RNF122: variants seen among roughly 807,000 people sequenced by gnomAD.
RNF122 encodes the protein ring finger protein 122.
In RNF122, 17 loss-of-function variants were observed where a neutral mutation model predicts 24.2. The ratio of observed to expected loss-of-function variants is 0.70; its 90% confidence interval spans 0.48 to 1.06. The LOEUF (loss-of-function observed/expected upper bound fraction) is 1.06, where lower values mean the gene tolerates loss of function less well. RNF122 is among the 50% of genes least tolerant of loss of function. The pLI is 0.00. For missense variants in RNF122, 168 were observed against 198.1 expected (o/e 0.85, Z 0.91); for synonymous variants, 65 against 71.8 (o/e 0.91, Z 0.48).
chr8:33,550,161 G>T (rs1173961537), intron 4 of RNF122, among the ~76,000 whole-genome samples: 1 of 152,150 alleles, frequency 6.6e-6, no homozygotes, highest in African/African-American at 2.4e-5. Flanking sequence ...TCGAACTCCT[G>T]ACCTCAGGTG....
chr8:33,548,962 T>G, intron 5 of RNF122, 95 bp from the exon 6 acceptor site: 1 of 906,976 alleles, frequency 1.1e-6, no homozygotes, highest in African/African-American at 1.6e-5. Flanking sequence ...GGCTCACAAC[T>G]GTAATCCCAG....
chr8:33,560,080 G>A (rs1029981546), intron 1 of RNF122, among the ~76,000 whole-genome samples: 4 of 151,996 alleles, frequency 2.6e-5, no homozygotes, highest in Admixed American at 1.3e-4. Flanking sequence ...GACCTCAGGC[G>A]ATCCACCCAC....
intron 1 of RNF122, among the ~76,000 whole-genome samples, chr8:33,565,017 G>A (rs1043178884): frequency 2.0e-5 from 3 of 152,352 alleles, no homozygotes; most frequent in African/African-American, 7.2e-5. Flanking sequence ...GCCAACCTAT[G>A]AAAGCACTGA....
At chr8:33,551,318 C>A in intron 3 of RNF122, 26 bp downstream of exon 3, 1 of 1,613,828 alleles carries the variant, frequency 6.2e-7, no homozygotes, top group South Asian at 1.1e-5. Context: ...GAGAAGGAAG[C>A]TTCTGGGAAA....
At chr8:33,560,869 G>C (rs1810530831) in intron 1 of RNF122, among the ~76,000 whole-genome samples, 1 of 152,036 alleles carries the variant, frequency 6.6e-6, no homozygotes, top group East Asian at 1.9e-4. Context: ...GGTGGAGGTT[G>C]CAAGTGAGCT....
rs529500793 is a variant in RNF122 at position 33,555,701 on chromosome 8, A to G, written c.182+2914T>C. ...CAAGACCCTAGCTCATTGCTACCAGACTTGTCCACCTCTGTATCTTCCTCT... is the reference window on the plus strand; with the variant it reads ...CAAGACCCTAGCTCATTGCTACCAGGCTTGTCCACCTCTGTATCTTCCTCT... On this transcript the variant is annotated intron_variant, in intron 2 of 5. Transcript: ENST00000256257. Among the ~76,000 whole-genome samples, 10 of 152,320 alleles carry G rather than the reference A, an allele frequency of 6.6e-5. No homozygotes were observed. In the East Asian group the frequency reaches 1.9e-3, roughly 29 times the overall value.
intron 1 of RNF122, 100 bp downstream of exon 1, chr8:33,566,599 G>A: frequency 1.6e-6 from 2 of 1,258,844 alleles, no homozygotes; most frequent in Non-Finnish European, 2.3e-6. Flanking sequence ...GAGAAACTTG[G>A]TTCCCGAGGG....
intron 2 of RNF122, among the ~76,000 whole-genome samples, chr8:33,558,276 G>A (rs976018635): frequency 2.0e-5 from 3 of 151,572 alleles, no homozygotes; most frequent in African/African-American, 7.3e-5. Flanking sequence ...CAAAGGGCAT[G>A]AGTAGGAATA....
chr8:33,549,454 C>T lies in RNF122; in HGVS notation c.309G>A (p.Lys103=). Residue 103 remains lysine (K), a synonymous_variant, in exon 5 of 6, where the codon AAG becomes AAA. Coordinates refer to ENST00000256257, the MANE Select transcript of RNF122 (RefSeq NM_024787.3). ...GGCACGGGAGCACGCCTAACTCATCCTTCCCCTTGAAGTCTTCCAGACAGA... is the reference window on the plus strand; with the variant it reads ...GGCACGGGAGCACGCCTAACTCATCTTTCCCCTTGAAGTCTTCCAGACAGA... ...CAVCLEDFKG[K]DELGVLPCQH... is the part of the protein sequence containing the mutation. 6.2e-7 allele frequency: 1 copy of T among 1,614,186 alleles called. No homozygotes were observed. The highest frequency in any genetic ancestry group is 1.1e-5 in the South Asian group (1 of 91,084).
chr8:33,560,702 C>T (rs1023959446), intron 1 of RNF122, among the ~76,000 whole-genome samples: 2 of 151,350 alleles, frequency 1.3e-5, no homozygotes, highest in Non-Finnish European at 3.0e-5. Context: ...TTTGGGAGCC[C>T]GAGACGGCTG....
At chr8:33,554,483 G>C (rs889198767) in intron 2 of RNF122, among the ~76,000 whole-genome samples, 1 of 152,158 alleles carries the variant, frequency 6.6e-6, no homozygotes, top group African/African-American at 2.4e-5. Context: ...CTCAGAACAG[G>C]GAGGGGCATC....
chr8:33,553,494 A>G (rs1237885864), intron 2 of RNF122, among the ~76,000 whole-genome samples: 1 of 152,034 alleles, frequency 6.6e-6, no homozygotes, highest in Non-Finnish European at 1.5e-5. Flanking sequence ...CCTTGAGCCC[A>G]AGAGTTCAGA....
In RNF122 at chr8:33,562,136, T is replaced by C. The variant is rs543480755; in HGVS notation, c.26-3365A>G. 3.9e-4 allele frequency among the ~76,000 whole-genome samples: 59 copies of C among 152,124 alleles called. 1 individual carries two copies. Among genetic ancestry groups the C allele is most frequent in the Non-Finnish European group, 5.6e-4 (38 of 68,022 alleles). ...CTACAGCACTCATGACCTCCATCAT[T>C]TGTTCGGCCCCTACTTACTCAGTTA... On this transcript the variant is annotated intron_variant, in intron 1 of 5. Coordinates refer to ENST00000256257, the MANE Select transcript of RNF122 (RefSeq NM_024787.3).
chr8:33,550,957 T>C, intron 4 of RNF122, 87 bp downstream of exon 4: 1 of 1,343,280 alleles, frequency 7.4e-7, no homozygotes, highest in Non-Finnish European at 1.1e-6. Context: ...AGCAGTTTTC[T>C]GAAAAGCGTC....
In RNF122 at chr8:33,566,716, G is replaced by C; in HGVS notation, c.8C>G (p.Pro3Arg). 6.2e-7 allele frequency: 1 copy of C among 1,606,000 alleles called. No homozygotes were observed. The highest frequency in any genetic ancestry group is 8.5e-7 in the Non-Finnish European group (1 of 1,176,988). The change falls in exon 1 of 6, where the codon CCA becomes CGA. Residue 3 changes from proline to arginine, a missense_variant. By Grantham distance (103) the Pro-to-Arg change is moderately radical. Transcript: ENST00000256257. MH[P>R]FQWCNGCFCG... ...GGACTCACCGTTACACCACTGGAAT[G>C]GGTGCATCAATGAAGTCGCGGTTGG...
intron 1 of RNF122, 25 bp from the exon 2 acceptor site, chr8:33,558,796 C>G: frequency 7.3e-7 from 1 of 1,371,608 alleles, no homozygotes. Context: ...AAAAAAAAAT[C>G]ATTAGGGTTG....
chr8:33,552,231 G>A (rs575787083), intron 2 of RNF122, among the ~76,000 whole-genome samples: 69 of 151,876 alleles, frequency 4.5e-4, no homozygotes, highest in South Asian at 1.0e-3. Context: ...GTGAAACTCC[G>A]TCACATTAAA....
intron 4 of RNF122, among the ~76,000 whole-genome samples, 158 bp downstream of exon 4, chr8:33,550,886 T>G (rs1810363953): frequency 6.6e-6 from 1 of 152,084 alleles, no homozygotes; most frequent in African/African-American, 2.4e-5. Context: ...TTCCACATAT[T>G]AATTACTTGC....
At position 33,566,795 on chromosome 8, in the gene RNF122, C is replaced by T. The variant is rs1810633313; in HGVS notation, c.-72G>A. ...GTGCCAGGAGGGCGGGGTGGGAGCA[C>T]TAGCGGCGTGAGGGGCCGCAGGCGG... On this transcript the variant is annotated 5_prime_UTR_variant, in exon 1 of 6. It adds an upstream start codon to the 5' untranslated region. Coordinates refer to ENST00000256257, the MANE Select transcript of RNF122 (RefSeq NM_024787.3). 3.2e-6 allele frequency: 5 copies of T among 1,546,994 alleles called. No individual in the cohort carries two copies. Among genetic ancestry groups the T allele is most frequent in the South Asian group, 2.4e-5 (2 of 84,922 alleles).
Sources: gnomAD v4.1 joint callset for allele counts (sites outside exome capture counted in the v4.1 genomes callset) on GRCh38, gnomAD v4.1.1 for gene constraint, MANE v1.5 for transcripts, NCBI Gene and HGNC (gene_info 2026-07-23, HGNC 2026-07-21) for gene names.